The following GRIN2B variants were observed in gnomAD, a reference collection of about 807,000 sequenced individuals.
The protein encoded by GRIN2B is glutamate receptor ionotropic, NMDA 2B.
GRIN2B carries 5 observed loss-of-function variants against 114.5 expected under a neutral mutation model. The observed-to-expected ratio is 0.04, with a 90% CI of 0.02 to 0.09. The LOEUF (loss-of-function observed/expected upper bound fraction) is 0.09. GRIN2B is among the 10% of genes least tolerant of loss of function. The pLI is 1.00. For synonymous variants in GRIN2B, 787 were observed against 745.1 expected (o/e 1.06, Z -0.92); for missense variants, 1,108 against 1,943.5 (o/e 0.57, Z 8.08).
At chr12:13,965,250 TA>T (rs1565603150) in intron 2 of GRIN2B, among the ~76,000 whole-genome samples, 39 of 152,338 alleles carry the variant, frequency 2.6e-4, no homozygotes, top group African/African-American at 8.9e-4. Context: ...CTCTTTAAGG[TA>T]ACTGAAAGGT....
intron 3 of GRIN2B, among the ~76,000 whole-genome samples, chr12:13,761,300 G>A (rs1371028967): frequency 6.6e-6 from 1 of 152,144 alleles, no homozygotes; most frequent in Non-Finnish European, 1.5e-5. Context: ...CTCCCTGACT[G>A]AGTCTCTCTT....
At chr12:13,859,478 G>T (rs1317435559) in intron 3 of GRIN2B, among the ~76,000 whole-genome samples, 2 of 152,202 alleles carry the variant, frequency 1.3e-5, no homozygotes, top group Admixed American at 6.5e-5. Flanking sequence ...GAGCCAGCCA[G>T]ACAGAGCTAC....
chr12:13,733,301 T>A (rs1311951596), intron 4 of GRIN2B, among the ~76,000 whole-genome samples: 3 of 151,854 alleles, frequency 2.0e-5, no homozygotes, highest in Admixed American at 6.6e-5. Context: ...TTCAAGTTTT[T>A]TTTTTTTTTT....
At chr12:13,602,710 G>A (rs1317581446) in intron 10 of GRIN2B, among the ~76,000 whole-genome samples, 2 of 152,070 alleles carry the variant, frequency 1.3e-5, no homozygotes, top group African/African-American at 4.8e-5. Flanking sequence ...GACCCCCATG[G>A]GACTTCTTGG....
At chr12:13,803,174 A>G (rs1864546144) in intron 3 of GRIN2B, among the ~76,000 whole-genome samples, 1 of 152,204 alleles carries the variant, frequency 6.6e-6, no homozygotes. Flanking sequence ...TATGCAGCAT[A>G]CAAAATATAT....
At chr12:13,623,487 C>A (rs1172262023) in intron 5 of GRIN2B, among the ~76,000 whole-genome samples, 1 of 152,226 alleles carries the variant, frequency 6.6e-6, no homozygotes, top group East Asian at 1.9e-4. Flanking sequence ...GCTTGCCAAT[C>A]TGAGGAATGA....
At chr12:13,591,346 C>A (rs985582137) in intron 10 of GRIN2B, among the ~76,000 whole-genome samples, 2 of 152,114 alleles carry the variant, frequency 1.3e-5, no homozygotes, top group Non-Finnish European at 2.9e-5. Context: ...TAGGAGCGAA[C>A]CCTGGGTGGA....
intron 2 of GRIN2B, among the ~76,000 whole-genome samples, chr12:13,979,717 C>A (rs1236139978): frequency 1.3e-5 from 2 of 152,050 alleles, no homozygotes; most frequent in Non-Finnish European, 2.9e-5. Context: ...CACTGCCCCC[C>A]AAAAGCCCAA....
chr12:13,655,601 C>T (rs1379070062), intron 5 of GRIN2B, among the ~76,000 whole-genome samples: 9 of 152,322 alleles, frequency 5.9e-5, no homozygotes, highest in African/African-American at 1.4e-4. Context: ...CATGGTCCAA[C>T]GCCTGGCTCT....
chr12:13,884,459 A>T (rs547156116), intron 2 of GRIN2B, among the ~76,000 whole-genome samples: 1 of 152,282 alleles, frequency 6.6e-6, no homozygotes, highest in Non-Finnish European at 1.5e-5. Context: ...TAATTTTTGT[A>T]TGACCATGTA....
intron 3 of GRIN2B, among the ~76,000 whole-genome samples, chr12:13,791,239 G>A (rs959636049): frequency 9.9e-5 from 15 of 151,954 alleles, no homozygotes; most frequent in Admixed American, 7.2e-4. Flanking sequence ...AAAGGCGGGC[G>A]GATCATGAGG....
At chr12:13,786,170 A>G (rs1864218334) in intron 3 of GRIN2B, among the ~76,000 whole-genome samples, 1 of 152,216 alleles carries the variant, frequency 6.6e-6, no homozygotes. Flanking sequence ...TAAACTAAGC[A>G]GGTACATTTC....
At chr12:13,603,042 AC>A (rs1429992752) in intron 10 of GRIN2B, among the ~76,000 whole-genome samples, 1 of 151,772 alleles carries the variant, frequency 6.6e-6, no homozygotes, top group African/African-American at 2.4e-5. Flanking sequence ...GACCCCACTG[AC>A]CCCCTAACTG....
Position 13,730,982 on chromosome 12 carries a change from A to T in GRIN2B, c.1010+22335T>A, listed in dbSNP as rs537655852. On this transcript the variant is annotated intron_variant, in intron 4 of 13. Coordinates refer to ENST00000609686, the MANE Select transcript of GRIN2B (RefSeq NM_000834.5). ...ACCACAATCCTCCTTCCCTGTCTCC[A>T]CCAGGCCTGTGTCCTTCACTGAACA... Among the ~76,000 whole-genome samples, 159 of 151,998 alleles carry T rather than the reference A, an allele frequency of 1.0e-3. 4 individuals are homozygous for T. In the South Asian group the frequency reaches 0.032, roughly 31 times the overall value.
chr12:13,706,875 C>T (rs1412747970), intron 4 of GRIN2B, among the ~76,000 whole-genome samples: 1 of 152,046 alleles, frequency 6.6e-6, no homozygotes, highest in Non-Finnish European at 1.5e-5. Context: ...TCTTCTTTCC[C>T]TTTGATGCAG....
At chr12:13,947,894 C>G (rs903223115) in intron 2 of GRIN2B, among the ~76,000 whole-genome samples, 17 of 152,194 alleles carry the variant, frequency 1.1e-4, no homozygotes, top group African/African-American at 4.1e-4. Flanking sequence ...CTACTACCCT[C>G]TGGGTTTACT....
chr12:13,837,692 C>T (rs766971256), intron 3 of GRIN2B, among the ~76,000 whole-genome samples: 3 of 152,056 alleles, frequency 2.0e-5, no homozygotes, highest in Admixed American at 6.5e-5. Flanking sequence ...GCCTTCCTCT[C>T]GATGGTGGTG....
At chr12:13,791,625 A>G (rs11055621) in intron 3 of GRIN2B, among the ~76,000 whole-genome samples, 10,110 of 152,150 alleles carry the variant, frequency 0.066, 490 homozygotes, top group East Asian at 0.16. Flanking sequence ...AAACACCTCT[A>G]TTAGCTTTTT....
rs1447140804 is a variant in GRIN2B at position 13,545,082 on chromosome 12, C to T, written c.*17701G>A. ...CACCTCTCATACTCTCCTCCTCCCT[C>T]ATTGGCCTCCCGGCTCTTCCTCAAG... On this transcript the variant is annotated 3_prime_UTR_variant, in exon 14 of 14. Transcript: ENST00000609686. 2 of 152,304 alleles carry T rather than the reference C, an allele frequency of 1.3e-5. No individual in the cohort carries two copies. The highest frequency in any genetic ancestry group is 2.9e-5 in the Non-Finnish European group (2 of 68,106). The allele number at this position is 152,304 out of a possible 1,614,324, so 9.4% of individuals were successfully genotyped here.
Sources: allele counts gnomAD v4.1 joint callset (sites outside exome capture counted in the v4.1 genomes callset), GRCh38; gene constraint gnomAD v4.1.1; transcripts MANE v1.5; gene names NCBI Gene and HGNC (gene_info 2026-07-23, HGNC 2026-07-21).